The following DENND4A variants were observed in gnomAD, a reference collection of about 807,000 sequenced individuals.
DENND4A encodes DENN domain containing 4A.
In DENND4A, 70 loss-of-function variants were observed where a neutral mutation model predicts 199.3. That is an observed-to-expected ratio of 0.35 (90% CI 0.29 to 0.43). DENND4A has a LOEUF of 0.43. DENND4A is among the 20% of genes least tolerant of loss of function. The pLI is 1.00. For missense variants in DENND4A, 1,723 were observed against 2,255.8 expected (o/e 0.76, Z 4.78); for synonymous variants, 686 against 766.9 (o/e 0.89, Z 1.74).
rs1161226591 is a variant in DENND4A at position 65,772,244 on chromosome 15, T to C, written c.-101-10806A>G. 1.2e-5 allele frequency: 7 copies of C among 575,882 alleles called. No individual in the cohort carries two copies. The East Asian group carries it at 1.7e-4, about 14-fold the overall frequency. The allele number at this position is 575,882 out of a possible 1,614,324, so 35.7% of individuals were successfully genotyped here. A position where few individuals can be genotyped will look rare whatever the true frequency, so the allele number is the denominator to read the frequency against. ...AGAGACAGGAAATCATGACTCTGAT[T>C]CTCTCATTCACTCATCTGACAAATA... On this transcript the variant is annotated intron_variant, in intron 1 of 32. Coordinates refer to ENST00000443035, the MANE Select transcript of DENND4A (RefSeq NM_001320835.1).
intron 13 of DENND4A, among the ~76,000 whole-genome samples, chr15:65,716,231 TTTTTC>T (rs940739067): frequency 1.3e-5 from 2 of 151,962 alleles, no homozygotes; most frequent in African/African-American, 2.4e-5. Context: ...CTTTCTTTTT[TTTTTC>T]TTTTATTTTT....
intron 1 of DENND4A, among the ~76,000 whole-genome samples, chr15:65,783,783 T>C (rs2077495663): frequency 6.6e-6 from 1 of 152,180 alleles, no homozygotes; most frequent in Admixed American, 6.5e-5. Context: ...AATAACCATC[T>C]ATGAGTCCAT....
In DENND4A at chr15:65,660,535, T is replaced by C; in HGVS notation, c.*1316A>G. 1 of 401,668 alleles carries C rather than the reference T, an allele frequency of 2.5e-6. No individual in the cohort carries two copies. Among genetic ancestry groups the C allele is most frequent in the African/African-American group, 2.0e-5 (1 of 48,982 alleles). The allele number at this position is 401,668 out of a possible 1,614,324, so 24.9% of individuals were successfully genotyped here. On this transcript the variant is annotated 3_prime_UTR_variant, in exon 33 of 33. Transcript: ENST00000443035. ...ACACATATTGAAAATCTATAACTAA[T>C]TCTAGCAGCCAAAAGATGTTTTTCC...
chr15:65,755,989 A>G, intron 3 of DENND4A, 151 bp downstream of exon 3: 1 of 688,406 alleles, frequency 1.5e-6, no homozygotes, highest in Non-Finnish European at 2.3e-6. Flanking sequence ...AAAAGGAAAC[A>G]GGGAGAGAAT....
Position 65,706,115 on chromosome 15 carries a change from C to T in DENND4A, c.2063G>A (p.Gly688Asp), listed in dbSNP as rs1399829599. 1 of 1,603,878 alleles carries T rather than the reference C, an allele frequency of 6.2e-7. No homozygotes were observed. The highest frequency in any genetic ancestry group is 8.5e-7 in the Non-Finnish European group (1 of 1,175,390). Residue 688 changes from glycine (G) to aspartate (D), a missense_variant, in exon 15 of 33, where the codon GGT becomes GAT. By Grantham distance (94) the Gly-to-Asp change is moderately conservative. This residue lies in a region of DENND4A where 725 missense variants were observed against 952.9 expected (regional missense o/e 0.76). Coordinates refer to ENST00000443035, the MANE Select transcript of DENND4A (RefSeq NM_001320835.1). ...TPPEIPHLPN[G>D]EEPPLQYSYN... ...CCTGTACTGTAAAGGGGGTTCTTCA[C>T]CATTGGGTAGGTGGGGGATCTCAGG...
At chr15:65,721,851 T>C (rs2075656089) in intron 12 of DENND4A, among the ~76,000 whole-genome samples, 1 of 152,200 alleles carries the variant, frequency 6.6e-6, no homozygotes, top group African/African-American at 2.4e-5. Flanking sequence ...TCATCTGCTA[T>C]AATACCAACA....
chr15:65,722,531 G>A (rs927504463), intron 12 of DENND4A, among the ~76,000 whole-genome samples: 7 of 151,524 alleles, frequency 4.6e-5, no homozygotes, highest in African/African-American at 9.7e-5. Flanking sequence ...TTTCAGTAAC[G>A]GTAAAATAAA....
intron 24 of DENND4A, among the ~76,000 whole-genome samples, chr15:65,674,433 TACTC>T (rs2076309452): frequency 6.6e-6 from 1 of 152,190 alleles, no homozygotes; most frequent in African/African-American, 2.4e-5. Context: ...GAGTGCTGAT[TACTC>T]AGGTGTGCTG....
In DENND4A at chr15:65,691,525, A is replaced by G. The variant is rs753109426; in HGVS notation, c.3083-14T>C. 1.3e-6 allele frequency: 2 copies of G among 1,552,086 alleles called. No individual in the cohort carries two copies. Among genetic ancestry groups the G allele is most frequent in the African/African-American group, 1.4e-5 (1 of 72,644 alleles). On this transcript the variant is annotated splice_polypyrimidine_tract_variant and intron_variant, in intron 22 of 32. Coordinates refer to ENST00000443035, the MANE Select transcript of DENND4A (RefSeq NM_001320835.1). ...CAGGTGTGCTTTCTGAAAAACAAGT[A>G]AAGTGCTTTTAGCCATGAAAATATA...
rs749783528 is a variant in DENND4A, at chr15:65,690,973, G to A, written c.3621C>T (p.Val1207=). ...GAGAGAGGGGATCAAATCCTGTTGC[G>A]ACATCAGTTTTTTCAAAAGGTTTTA... ...FSVKPFEKTD[V]ATGFDPLSLL... Residue 1207 remains valine (V), a synonymous_variant, in exon 23 of 33, where the codon GTC becomes GTT. Transcript: ENST00000443035. The A allele has an allele frequency of 8.7e-6, 14 of 1,603,888 alleles. No homozygotes were observed. The highest frequency in any genetic ancestry group is 2.2e-5 in the East Asian group (1 of 44,754).
At chr15:65,771,038 T>C (rs1388070465) in intron 1 of DENND4A, 2 of 816,448 alleles carry the variant, frequency 2.4e-6, no homozygotes, top group Non-Finnish European at 3.7e-6. Flanking sequence ...TCATAAACAG[T>C]CCAAGATTTC....
rs545236804 is a variant in DENND4A, at chr15:65,740,281, A to C, written c.632-1406T>G. Among the ~76,000 whole-genome samples, 146 of 141,644 alleles carry C rather than the reference A, an allele frequency of 1.0e-3. 1 individual carries two copies. Among genetic ancestry groups the C allele is most frequent in the African/African-American group, 3.4e-3 (135 of 39,412 alleles). The allele number at this position is 141,644 out of a possible 152,430, so 92.9% of individuals were successfully genotyped here. A position where few individuals can be genotyped will look rare whatever the true frequency, so the allele number is the denominator to read the frequency against. Reference sequence around the variant, plus strand: ...GCAACACAGTGAGATTCCATCTCCCAAAAAAAAAAAAAGAAAGAAAAAAAA... The same window carrying C: ...GCAACACAGTGAGATTCCATCTCCCCAAAAAAAAAAAAGAAAGAAAAAAAA... On this transcript the variant is annotated intron_variant, in intron 5 of 32. Transcript: ENST00000443035.
At chr15:65,724,670 C>T (rs1450964365) in intron 11 of DENND4A, among the ~76,000 whole-genome samples, 2 of 152,046 alleles carry the variant, frequency 1.3e-5, no homozygotes, top group Admixed American at 1.3e-4. Flanking sequence ...TATCTTTCCA[C>T]AAATGAGAAT....
chr15:65,698,944 G>A (rs971176839), intron 20 of DENND4A, among the ~76,000 whole-genome samples: 1 of 151,848 alleles, frequency 6.6e-6, no homozygotes, highest in Non-Finnish European at 1.5e-5. Flanking sequence ...CGCCATGTTG[G>A]CCAGGCTGGT....
chr15:65,680,532 T>A (rs2076535932), intron 23 of DENND4A: 1 of 152,202 alleles, frequency 6.6e-6, no homozygotes, highest in South Asian at 2.1e-4. Flanking sequence ...CTAATTAAAA[T>A]ACAGATTATG....
intron 12 of DENND4A, chr15:65,719,427 A>G (rs939131550): frequency 2.6e-5 from 4 of 151,964 alleles, no homozygotes; most frequent in Non-Finnish European, 5.9e-5. Flanking sequence ...AAGCCATTAG[A>G]TAGTAAACAT....
chr15:65,760,371 G>A (rs1358251963), intron 2 of DENND4A, among the ~76,000 whole-genome samples: 1 of 152,074 alleles, frequency 6.6e-6, no homozygotes, highest in Non-Finnish European at 1.5e-5. Flanking sequence ...GGTGGCGCAC[G>A]CCTGTAATCC....
At chr15:65,745,020 C>G (rs2076353301) in intron 4 of DENND4A, among the ~76,000 whole-genome samples, 1 of 152,134 alleles carries the variant, frequency 6.6e-6, no homozygotes. Context: ...ACTTTGGTTT[C>G]TCTGATATTT....
At position 65,763,286 on chromosome 15, in the gene DENND4A, G is replaced by C. The variant is rs150305775; in HGVS notation, c.-101-1848C>G. ...AATATCTACTAACAACCAGGAAACA[G>C]GAGCAGCTACACCCAGACACAAGAT... On this transcript the variant is annotated intron_variant, in intron 1 of 32. Coordinates refer to ENST00000443035, the MANE Select transcript of DENND4A (RefSeq NM_001320835.1). Among the ~76,000 whole-genome samples, 5 of 152,302 alleles carry C rather than the reference G, an allele frequency of 3.3e-5. No individual in the cohort carries two copies. In the East Asian group the frequency reaches 9.6e-4, roughly 29 times the overall value.
Sources: gnomAD v4.1 joint callset for allele counts (sites outside exome capture counted in the v4.1 genomes callset) on GRCh38, gnomAD v4.1.1 for gene constraint, gnomAD v4.1.1 regional missense constraint, MANE v1.5 for transcripts, NCBI Gene and HGNC (gene_info 2026-07-23, HGNC 2026-07-21) for gene names.